Variants in GATAD2A observed in about 807,000 individuals in gnomAD.
GATAD2A encodes GATA zinc finger domain containing 2A.
A neutral mutation model predicts 68.5 loss-of-function variants in GATAD2A; 12 were observed. The observed-to-expected ratio is 0.18, with a 90% confidence interval of 0.11 to 0.28. The LOEUF (loss-of-function observed/expected upper bound fraction) is 0.28. GATAD2A is among the 10% of genes least tolerant of loss of function. The pLI is 1.00. For synonymous variants in GATAD2A, 410 were observed against 375.3 expected (o/e 1.09, Z -1.07); for missense variants, 755 against 868.5 (o/e 0.87, Z 1.64).
intron 1 of GATAD2A, among the ~76,000 whole-genome samples, chr19:19,387,043 C>T (rs910395052): frequency 1.3e-5 from 2 of 152,144 alleles, no homozygotes; most frequent in Non-Finnish European, 2.9e-5. Flanking sequence ...CTCTGAGAGA[C>T]CCTCTGCCTC....
chr19:19,405,724 C>G lies in GATAD2A; in HGVS notation c.-302C>G, dbSNP rs897775054. On this transcript the variant is annotated 5_prime_UTR_variant, in exon 1 of 12. Coordinates refer to ENST00000683918, the MANE Select transcript of GATAD2A (RefSeq NM_001384528.1). Reference sequence around the variant, plus strand: ...CGGGCGGCGTCGCCTTTAAGAGCTCCCCGGTGTTTTGGGGGCCGCGGGCCG... The same window carrying G: ...CGGGCGGCGTCGCCTTTAAGAGCTCGCCGGTGTTTTGGGGGCCGCGGGCCG... The G allele has an allele frequency of 4.0e-5, 6 of 151,822 alleles. No individual in the cohort carries two copies. The highest frequency in any genetic ancestry group is 1.4e-4 in the African/African-American group (6 of 41,394). The allele number at this position is 151,822 out of a possible 1,614,324, so 9.4% of individuals were successfully genotyped here. A position where few individuals can be genotyped will look rare whatever the true frequency, so the allele number is the denominator to read the frequency against.
intron 7 of GATAD2A, among the ~76,000 whole-genome samples, chr19:19,497,393 GC>G: frequency 6.6e-6 from 1 of 152,354 alleles, no homozygotes; most frequent in East Asian, 1.9e-4. Context: ...ACCACATCCT[GC>G]CCACCCGTGA....
At chr19:19,504,251 C>T (rs76555366) in intron 11 of GATAD2A, among the ~76,000 whole-genome samples, 3,937 of 152,244 alleles carry the variant, frequency 0.026, 184 homozygotes, top group African/African-American at 0.088. Context: ...AAAAATTCTG[C>T]GTGTGCTGGG....
At chr19:19,438,115 TGAG>T (rs2054577885) in intron 1 of GATAD2A, among the ~76,000 whole-genome samples, 1 of 152,220 alleles carries the variant, frequency 6.6e-6, no homozygotes, top group Non-Finnish European at 1.5e-5. Flanking sequence ...TACAGAGAGT[TGAG>T]ACTTGTCAGA....
chr19:19,505,236 G>C, intron 11 of GATAD2A, 108 bp from the exon 12 acceptor site: 1 of 1,042,972 alleles, frequency 9.6e-7, no homozygotes, highest in Non-Finnish European at 1.4e-6. Flanking sequence ...AAGGGCTCCT[G>C]GGTCCTTAGT....
intron 1 of GATAD2A, among the ~76,000 whole-genome samples, chr19:19,428,812 C>T (rs766288747): frequency 2.0e-5 from 3 of 152,104 alleles, no homozygotes; most frequent in Non-Finnish European, 4.4e-5. Context: ...CAGTGGTGGC[C>T]TGAGGGAAGC....
At chr19:19,429,082 T>C (rs8182472) in intron 1 of GATAD2A, among the ~76,000 whole-genome samples, 15,478 of 151,342 alleles carry the variant, frequency 0.1, 832 homozygotes, top group South Asian at 0.16. Context: ...TGACAACTCG[T>C]GGAGGTCCCC....
chr19:19,498,848 G>T (rs1033910916), intron 8 of GATAD2A, 126 bp downstream of exon 8: 1 of 770,060 alleles, frequency 1.3e-6, no homozygotes, highest in African/African-American at 1.7e-5. Context: ...TCCTGGGTGG[G>T]CTTGGCAGGG....
intron 1 of GATAD2A, among the ~76,000 whole-genome samples, chr19:19,420,132 C>T (rs1474220005): frequency 6.8e-6 from 1 of 146,690 alleles, no homozygotes; most frequent in Non-Finnish European, 1.5e-5. Context: ...TGTCTCAGCC[C>T]CCTGAGTAGC....
chr19:19,468,761 T>C (rs1416953328), intron 2 of GATAD2A, among the ~76,000 whole-genome samples: 9 of 152,320 alleles, frequency 5.9e-5, no homozygotes, highest in East Asian at 3.9e-4. Context: ...TAAACAAGAC[T>C]GAAGGAATCC....
intron 2 of GATAD2A, among the ~76,000 whole-genome samples, chr19:19,468,995 G>A (rs2058072219): frequency 6.6e-6 from 1 of 152,208 alleles, no homozygotes; most frequent in Admixed American, 6.5e-5. Context: ...AAAAGATGGG[G>A]AATTAAATGG....
In GATAD2A at chr19:19,439,639, G is replaced by A. The variant is rs573415116; in HGVS notation, c.-6-25701G>A. 2.6e-5 allele frequency among the ~76,000 whole-genome samples: 4 copies of A among 152,250 alleles called. No homozygotes were observed. The South Asian group carries it at 6.2e-4, about 24-fold the overall frequency. On this transcript the variant is annotated intron_variant, in intron 1 of 11. Coordinates refer to ENST00000683918, the MANE Select transcript of GATAD2A (RefSeq NM_001384528.1). ...GAAGCGGGTGGGTCATTTGAGGTTA[G>A]GAGTTCGAGACCAGCATGGCCAACA...
intron 1 of GATAD2A, chr19:19,457,356 G>A: frequency 1.1e-5 from 4 of 377,146 alleles, no homozygotes; most frequent in Non-Finnish European, 1.5e-5. Flanking sequence ...GGAGACATCT[G>A]AGGATGGCTG....
At chr19:19,438,508 C>T (rs2147589770) in intron 1 of GATAD2A, among the ~76,000 whole-genome samples, 1 of 152,312 alleles carries the variant, frequency 6.6e-6, no homozygotes, top group African/African-American at 2.4e-5. Context: ...TTGAGGGCAG[C>T]AGGGCTGGCT....
At chr19:19,404,375 A>T (rs2050004337), upstream of GATAD2A, among the ~76,000 whole-genome samples, 1 of 152,090 alleles carries the variant, frequency 6.6e-6, no homozygotes, top group Non-Finnish European at 1.5e-5. Context: ...TTTTCAAATG[A>T]AGTAGAATAG....
At chr19:19,488,879 A>G (rs765196708) in intron 2 of GATAD2A, among the ~76,000 whole-genome samples, 26 of 152,188 alleles carry the variant, frequency 1.7e-4, no homozygotes, top group Non-Finnish European at 3.5e-4. Context: ...TCACTTCCAA[A>G]TAAACTTGGT....
intron 1 of GATAD2A, among the ~76,000 whole-genome samples, chr19:19,435,615 C>T (rs1396718647): frequency 1.3e-5 from 2 of 152,106 alleles, no homozygotes; most frequent in African/African-American, 2.4e-5. Context: ...TTTGGGAGGT[C>T]GAGGTGGGTG....
intron 1 of GATAD2A, among the ~76,000 whole-genome samples, chr19:19,453,680 A>T (rs866324141): frequency 0.14 from 19,779 of 143,094 alleles, 1,510 homozygotes; most frequent in Middle Eastern, 0.21. Context: ...TTTTTTTAAA[A>T]TTTTTTTTTT....
At chr19:19,493,496 C>T (rs946884333) in intron 4 of GATAD2A, among the ~76,000 whole-genome samples, 12 of 152,142 alleles carry the variant, frequency 7.9e-5, no homozygotes, top group South Asian at 4.1e-4. Flanking sequence ...CCCTGGAGCC[C>T]GAAGCTCGCT....
Sources: gnomAD v4.1 joint callset for allele counts (sites outside exome capture counted in the v4.1 genomes callset) on GRCh38, gnomAD v4.1.1 for gene constraint, MANE v1.5 for transcripts, NCBI Gene and HGNC (gene_info 2026-07-23, HGNC 2026-07-21) for gene names.